The following OLFML2B variants were observed in gnomAD, a reference collection of about 807,000 sequenced individuals.
OLFML2B encodes olfactomedin-like protein 2B.
OLFML2B carries 57 observed loss-of-function variants against 74.9 expected under a neutral mutation model. That is an observed-to-expected ratio of 0.76 (90% CI 0.61 to 0.95). The LOEUF (loss-of-function observed/expected upper bound fraction) is 0.95, where lower values mean the gene tolerates loss of function less well. Among genes scored for constraint, OLFML2B ranks in the 40% least tolerant of loss-of-function variants. OLFML2B has a pLI of 0.00. For missense variants in OLFML2B, 986 were observed against 970.6 expected (o/e 1.02, Z -0.21); for synonymous variants, 388 against 405.8 (o/e 0.96, Z 0.53).
In OLFML2B at chr1:162,000,190, G is replaced by A; in HGVS notation, c.872C>T (p.Ser291Phe). ...GATGCCCCGGATGACAGTGGGCTGG[G>A]AGGCCGGCCGGCCTCTCAGGTGGAC... is the stretch of plus-strand genomic sequence containing the variant. The part of the protein sequence containing the change: ...RQVHLRGRPA[S>F]QPTVIRGITY... Residue 291 changes from serine to phenylalanine, a missense_variant, in exon 5 of 8, where the codon TCC becomes TTC. By Grantham distance (155) the Ser-to-Phe change is radical (BLOSUM62 -2). Coordinates refer to ENST00000294794, the MANE Select transcript of OLFML2B (RefSeq NM_015441.3). 1.9e-6 allele frequency: 3 copies of A among 1,613,794 alleles called. No homozygotes were observed. Among genetic ancestry groups the A allele is most frequent in the Non-Finnish European group, 2.5e-6 (3 of 1,179,842 alleles).
chr1:162,019,887 C>T (rs767238090), intron 2 of OLFML2B, 32 bp downstream of exon 2: 10 of 1,606,384 alleles, frequency 6.2e-6, no homozygotes, highest in Admixed American at 1.7e-5. Flanking sequence ...AGTGCCCTCT[C>T]GTCCAAGGCA....
intron 4 of OLFML2B, among the ~76,000 whole-genome samples, chr1:162,005,058 C>T (rs1029572342): frequency 1.3e-5 from 2 of 152,248 alleles, no homozygotes; most frequent in Non-Finnish European, 2.9e-5. Context: ...CTCTTCAAGT[C>T]CTGCCACCAA....
Position 161,998,162 on chromosome 1 carries a change from C to A in OLFML2B, c.1137G>T (p.Ser379=). The part of the protein sequence containing the change: ...APWSSALPQP[S]TSDPSIANHA... ...GGTTGGCGATGCTGGGATCTGAGGT[C>A]GAGGGCTGTGGCAGTGCTGAGGACC... The change falls in exon 6 of 8, where the codon TCG becomes TCT. Residue 379 remains serine, a synonymous_variant. Transcript: ENST00000294794. 6.2e-7 allele frequency: 1 copy of A among 1,614,016 alleles called. No individual in the cohort carries two copies. The highest frequency in any genetic ancestry group is 8.5e-7 in the Non-Finnish European group (1 of 1,180,026).
intron 3 of OLFML2B, among the ~76,000 whole-genome samples, chr1:162,012,763 C>G (rs1210031682): frequency 6.6e-6 from 1 of 151,770 alleles, no homozygotes; most frequent in Non-Finnish European, 1.5e-5. Flanking sequence ...ATAAGCATTT[C>G]AAGCACTTAT....
chr1:161,993,486 C>T (rs148621602), intron 6 of OLFML2B, among the ~76,000 whole-genome samples: 113 of 152,320 alleles, frequency 7.4e-4, no homozygotes, highest in Middle Eastern at 6.8e-3. Context: ...CTGACACCCA[C>T]GGCACTCACA....
At position 161,983,864 on chromosome 1, in the gene OLFML2B, G is replaced by C. The variant is rs752683785; in HGVS notation, c.2064C>G (p.Ser688Arg). 6.2e-7 allele frequency: 1 copy of C among 1,614,072 alleles called. No individual in the cohort carries two copies. Among genetic ancestry groups the C allele is most frequent in the African/African-American group, 1.3e-5 (1 of 74,916 alleles). Residue 688 changes from serine to arginine, a missense_variant, in exon 8 of 8, where the codon AGC becomes AGG. Coordinates refer to ENST00000294794, the MANE Select transcript of OLFML2B (RefSeq NM_015441.3). ...VICGVLYAVD[S>R]YNQRNANISY... ...AGATGTTGGCATTCCGCTGGTTGTA[G>C]CTATCCACGGCATACAGCACCCCAC...
At chr1:162,004,307 T>C (rs1690160548) in intron 4 of OLFML2B, among the ~76,000 whole-genome samples, 2 of 152,150 alleles carry the variant, frequency 1.3e-5, no homozygotes, top group Admixed American at 6.5e-5. Flanking sequence ...CACTCAGAGA[T>C]GATCCACCAA....
rs1452651565 is a variant in OLFML2B at position 162,000,147 on chromosome 1, C to G, written c.915G>C (p.Lys305Asn). The G allele has an allele frequency of 6.2e-7, 1 of 1,608,396 alleles. No individual in the cohort carries two copies. The highest frequency in any genetic ancestry group is 8.5e-7 in the Non-Finnish European group (1 of 1,175,656). The change falls in exon 5 of 8, where the codon AAG becomes AAC. Residue 305 changes from lysine to asparagine, a missense_variant. Coordinates refer to ENST00000294794, the MANE Select transcript of OLFML2B (RefSeq NM_015441.3). ...VIRGITYYKA[K>N]VSEEENDIEE... ...CAATGTCATTCTCTTCTTCAGAGAC[C>G]TTGGCTTTATAGTAGGTGATGCCCC...
chr1:162,013,286 G>A (rs1050478614), intron 3 of OLFML2B, among the ~76,000 whole-genome samples: 8 of 152,142 alleles, frequency 5.3e-5, no homozygotes, highest in Non-Finnish European at 1.5e-5. Context: ...GGAGAGGTCA[G>A]CTGGGGTCTA....
At position 162,020,147 on chromosome 1, in the gene OLFML2B, A is replaced by G. The variant is rs774668993; in HGVS notation, c.210T>C (p.Ser70=). ...ACTTGCACTGACAGTCCGAGCCCTC[A>G]GACATAGCCTTGACCTTGTCATAGT... The part of the protein sequence containing the change: ...LGDYDKVKAM[S]EGSDCQCKCV... The change falls in exon 2 of 8, where the codon TCT becomes TCC. Residue 70 remains serine (S), a synonymous_variant. Coordinates refer to ENST00000294794, the MANE Select transcript of OLFML2B (RefSeq NM_015441.3). The G allele has an allele frequency of 6.2e-7, 1 of 1,614,178 alleles. No individual in the cohort carries two copies. Among genetic ancestry groups the G allele is most frequent in the South Asian group, 1.1e-5 (1 of 91,072 alleles).
chr1:162,000,073 C>G (rs775161091), intron 5 of OLFML2B, 40 bp downstream of exon 5: 3 of 1,501,182 alleles, frequency 2.0e-6, no homozygotes, highest in African/African-American at 2.8e-5. Context: ...GACTTCCTCC[C>G]TACCCTGCCT....
intron 3 of OLFML2B, among the ~76,000 whole-genome samples, chr1:162,015,454 A>C (rs1211327846): frequency 1.3e-5 from 2 of 152,188 alleles, no homozygotes; most frequent in African/African-American, 4.8e-5. Context: ...TATCTTTCTC[A>C]AGCTGTGTTC....
At chr1:161,984,438 G>A (rs565910373) in intron 7 of OLFML2B, among the ~76,000 whole-genome samples, 162 bp from the exon 8 acceptor site, 4 of 152,330 alleles carry the variant, frequency 2.6e-5, no homozygotes, top group South Asian at 2.1e-4. Flanking sequence ...CAACCTGTCC[G>A]TGCCTCAGTG....
At chr1:162,019,393 C>T (rs781591883) in intron 2 of OLFML2B, among the ~76,000 whole-genome samples, 2 of 152,178 alleles carry the variant, frequency 1.3e-5, no homozygotes, top group African/African-American at 2.4e-5. Context: ...AGAGGGGGTG[C>T]AGGATCAGAA....
intron 4 of OLFML2B, among the ~76,000 whole-genome samples, chr1:162,005,902 CAAAAAA>C (rs71093139): frequency 1.2e-3 from 97 of 77,890 alleles, no homozygotes; most frequent in African/African-American, 2.9e-3. Context: ...TGGAACCTAT[CAAAAAA>C]AAAAAAAAAA....
chr1:161,996,123 T>G (rs1689890976), intron 6 of OLFML2B, among the ~76,000 whole-genome samples: 1 of 152,182 alleles, frequency 6.6e-6, no homozygotes, highest in Non-Finnish European at 1.5e-5. Flanking sequence ...GTTCATGAGA[T>G]TTTGCCCTGG....
intron 6 of OLFML2B, among the ~76,000 whole-genome samples, chr1:161,986,458 C>T (rs1689595606): frequency 6.6e-6 from 1 of 152,206 alleles, no homozygotes. Context: ...CACTGTTTTG[C>T]AGGCAGGCCC....
At chr1:162,012,231 T>C (rs1048881572) in intron 3 of OLFML2B, among the ~76,000 whole-genome samples, 2 of 151,990 alleles carry the variant, frequency 1.3e-5, no homozygotes, top group Non-Finnish European at 2.9e-5. Context: ...TGGGGGTGTC[T>C]CGACAGGGGT....
At chr1:162,008,486 C>T (rs1208319937) in intron 3 of OLFML2B, among the ~76,000 whole-genome samples, 1 of 152,138 alleles carries the variant, frequency 6.6e-6, no homozygotes, top group Non-Finnish European at 1.5e-5. Flanking sequence ...GAGAGGATCC[C>T]GGCACACAGA....
Sources: gnomAD v4.1 joint callset for allele counts (sites outside exome capture counted in the v4.1 genomes callset) on GRCh38, gnomAD v4.1.1 for gene constraint, MANE v1.5 for transcripts, NCBI Gene and HGNC (gene_info 2026-07-23, HGNC 2026-07-21) for gene names.